PCDHA1: variants seen among roughly 807,000 people sequenced by gnomAD.
PCDHA1 encodes protocadherin alpha-1.
Under a neutral mutation model 61.3 loss-of-function variants are expected in PCDHA1, and 42 were observed. That is an observed-to-expected ratio of 0.69 (90% CI 0.54 to 0.89). PCDHA1 has a LOEUF of 0.89. PCDHA1 is among the 40% of genes least tolerant of loss of function. The pLI, the probability that PCDHA1 is intolerant of heterozygous loss-of-function variation, is 0.00. For synonymous variants in PCDHA1, 610 were observed against 553.8 expected (o/e 1.10, Z -1.43); for missense variants, 1,256 against 1,235.3 (o/e 1.02, Z -0.25).
intron 1 of PCDHA1, chr5:140,808,212 A>T (rs1764119362): frequency 6.2e-7 from 1 of 1,614,118 alleles, no homozygotes; most frequent in South Asian, 1.1e-5. Flanking sequence ...GAAGTAGAAG[A>T]CAACAACGAT....
intron 2 of PCDHA1, among the ~76,000 whole-genome samples, chr5:140,980,164 G>A (rs187011465): frequency 1.6e-3 from 238 of 152,226 alleles, no homozygotes; most frequent in Middle Eastern, 6.8e-3. Context: ...AGAATATTAG[G>A]TATCAGAAGA....
rs2150099116 is a variant in PCDHA1, at chr5:140,817,797, A to G, written c.2394+29113A>G. Among the ~76,000 whole-genome samples, 9 of 152,298 alleles carry G rather than the reference A, an allele frequency of 5.9e-5. No individual in the cohort carries two copies. In the South Asian group the frequency reaches 1.9e-3, roughly 32 times the overall value. ...TTTAGTGTGGCCTGCTGGTAAAGAAACCTTTACGTTTTTATATATCTGGAA... is the reference window on the plus strand; with the variant it reads ...TTTAGTGTGGCCTGCTGGTAAAGAAGCCTTTACGTTTTTATATATCTGGAA... On this transcript the variant is annotated intron_variant, in intron 1 of 3. Transcript: ENST00000504120.
intron 1 of PCDHA1, chr5:140,795,048 C>A (rs782012270): frequency 1.9e-6 from 3 of 1,613,822 alleles, no homozygotes; most frequent in Non-Finnish European, 1.7e-6. Flanking sequence ...AGGTGGGGAG[C>A]GGCCAGCTCC....
chr5:140,829,606 G>T (rs2150171112), intron 1 of PCDHA1: 9 of 1,611,952 alleles, frequency 5.6e-6, no homozygotes, highest in African/African-American at 1.3e-5. Context: ...GCGCGTTGTC[G>T]AGCTACATTT....
intron 1 of PCDHA1, chr5:140,823,597 T>C: frequency 6.2e-7 from 1 of 1,614,008 alleles, no homozygotes; most frequent in East Asian, 2.2e-5. Flanking sequence ...TTGGCTTTCG[T>C]ATGAGCTGCA....
At chr5:140,794,565 A>G (rs1167648485) in intron 1 of PCDHA1, among the ~76,000 whole-genome samples, 5 of 152,262 alleles carry the variant, frequency 3.3e-5, no homozygotes, top group Admixed American at 3.3e-4. Flanking sequence ...CAATGTGAAT[A>G]TACTTAACAT....
chr5:140,914,317 A>G (rs1016365389), intron 1 of PCDHA1, among the ~76,000 whole-genome samples: 15 of 152,122 alleles, frequency 9.9e-5, no homozygotes, highest in Non-Finnish European at 2.9e-5. Flanking sequence ...CCCCATTATC[A>G]TTGTACAAAG....
At chr5:141,009,285 T>C (rs1554262099) in intron 3 of PCDHA1, among the ~76,000 whole-genome samples, 1 of 152,106 alleles carries the variant, frequency 6.6e-6, no homozygotes, top group African/African-American at 2.4e-5. Context: ...TGAGATCCCA[T>C]TTCTATAAAA....
intron 1 of PCDHA1, among the ~76,000 whole-genome samples, chr5:140,833,892 C>A (rs1772707786): frequency 1.3e-5 from 2 of 152,052 alleles, no homozygotes; most frequent in Non-Finnish European, 2.9e-5. Context: ...GGATCTAGAT[C>A]AAAGGAATTT....
intron 1 of PCDHA1, among the ~76,000 whole-genome samples, chr5:140,949,776 A>G (rs1554219139): frequency 6.6e-6 from 1 of 151,716 alleles, no homozygotes; most frequent in Non-Finnish European, 1.5e-5. Flanking sequence ...AATATTTGAT[A>G]TGTTTAGATT....
intron 1 of PCDHA1, among the ~76,000 whole-genome samples, chr5:140,827,031 A>G (rs1396094273): frequency 6.6e-6 from 1 of 152,234 alleles, no homozygotes; most frequent in East Asian, 1.9e-4. Flanking sequence ...GAATTTAAAA[A>G]TTTGAATTTG....
chr5:140,803,213 T>C, intron 1 of PCDHA1: 2 of 1,613,656 alleles, frequency 1.2e-6, no homozygotes, highest in Non-Finnish European at 1.7e-6. Flanking sequence ...TGGTGGAGAG[T>C]GGCCAGGCAC....
intron 1 of PCDHA1, chr5:140,861,476 C>T: frequency 2.0e-6 from 1 of 493,226 alleles, no homozygotes; most frequent in South Asian, 1.5e-5. Flanking sequence ...TGCAGAATGG[C>T]ATTTTTGTGA....
intron 1 of PCDHA1, among the ~76,000 whole-genome samples, chr5:140,905,747 C>T (rs2072054792): frequency 2.0e-5 from 3 of 152,156 alleles, no homozygotes; most frequent in South Asian, 2.1e-4. Context: ...AGAGATCTTT[C>T]ACCTCCTTGG....
chr5:140,951,196 T>A (rs1438872650), intron 1 of PCDHA1, among the ~76,000 whole-genome samples: 1 of 152,190 alleles, frequency 6.6e-6, no homozygotes, highest in African/African-American at 2.4e-5. Context: ...AATTCCCACA[T>A]CTGTGTCATC....
intron 1 of PCDHA1, among the ~76,000 whole-genome samples, chr5:140,920,101 G>A (rs880001163): frequency 2.0e-5 from 3 of 152,180 alleles, no homozygotes; most frequent in African/African-American, 7.2e-5. Flanking sequence ...TCTAAAGGGA[G>A]TGCAACCTTG....
chr5:140,927,349 G>A (rs782650880), intron 1 of PCDHA1: 3 of 1,614,016 alleles, frequency 1.9e-6, no homozygotes, highest in Admixed American at 1.7e-5. Context: ...AGATGACGAC[G>A]AGGGAAGCAA....
At chr5:140,902,324 C>A (rs1554190388) in intron 1 of PCDHA1, among the ~76,000 whole-genome samples, 1 of 151,472 alleles carries the variant, frequency 6.6e-6, no homozygotes, top group Non-Finnish European at 1.5e-5. Context: ...AGGTGTAACT[C>A]ACTTCGCCTG....
At chr5:140,818,063 C>A (rs1766273892) in intron 1 of PCDHA1, among the ~76,000 whole-genome samples, 1 of 152,130 alleles carries the variant, frequency 6.6e-6, no homozygotes, top group Admixed American at 6.6e-5. Context: ...TTTAATCTCG[C>A]TTGCAGTTTT....
Sources: gnomAD v4.1 joint callset for allele counts (sites outside exome capture counted in the v4.1 genomes callset) on GRCh38, gnomAD v4.1.1 for gene constraint, MANE v1.5 for transcripts, NCBI Gene and HGNC (gene_info 2026-07-23, HGNC 2026-07-21) for gene names.